Variants in PSMD9 observed in about 807,000 individuals in gnomAD.
PSMD9 encodes proteasome 26S subunit, non-ATPase 9.
PSMD9 carries 26 observed loss-of-function variants against 25.9 expected under a neutral mutation model. The observed-to-expected ratio is 1.00, with a 90% CI of 0.73 to 1.39. PSMD9 has a LOEUF of 1.39. Among genes scored for constraint, PSMD9 ranks in the 40% most tolerant of loss-of-function variants. The pLI, the probability that PSMD9 is intolerant of heterozygous loss-of-function variation, is 0.00. For synonymous variants in PSMD9, 110 were observed against 114.5 expected, an observed-to-expected ratio of 0.96 and a Z score of 0.25; for missense variants, 303 against 299.3, an observed-to-expected ratio of 1.01 and a Z score of -0.09.
chr12:121,916,435 C>T lies in PSMD9; in HGVS notation c.*124C>T. ...TGGAAGAGGCTTGTAACCTGAACTT[C>T]TGTGTGGTGGCAGTACTGTGGCCCA... On this transcript the variant is annotated 3_prime_UTR_variant, in exon 6 of 6. Coordinates refer to ENST00000541212, the MANE Select transcript of PSMD9 (RefSeq NM_002813.7). 1.6e-6 allele frequency: 2 copies of T among 1,236,956 alleles called. No individual in the cohort carries two copies. The highest frequency in any genetic ancestry group is 2.4e-5 in the South Asian group (2 of 82,766). The allele number at this position is 1,236,956 out of a possible 1,614,324, so 76.6% of individuals were successfully genotyped here.
intron 1 of PSMD9, among the ~76,000 whole-genome samples, chr12:121,892,920 G>C (rs1879129140): frequency 6.6e-6 from 1 of 152,132 alleles, no homozygotes. Flanking sequence ...ACATGGGTCA[G>C]TTATATGGTA....
chr12:121,900,588 CAA>C (rs36069883), intron 3 of PSMD9, among the ~76,000 whole-genome samples: 43 of 123,970 alleles, frequency 3.5e-4, no homozygotes, highest in Admixed American at 3.2e-4. Flanking sequence ...GACTCCGTCT[CAA>C]AAAAAAAAAA....
intron 2 of PSMD9, 96 bp from the exon 3 acceptor site, chr12:121,899,538 T>G: frequency 8.6e-7 from 1 of 1,159,328 alleles, no homozygotes; most frequent in Non-Finnish European, 1.2e-6. Flanking sequence ...ACATCTGGCA[T>G]GTAATAAGCA....
intron 4 of PSMD9, among the ~76,000 whole-genome samples, chr12:121,903,632 C>T (rs1879463896): frequency 6.6e-6 from 1 of 152,132 alleles, no homozygotes; most frequent in South Asian, 2.1e-4. Flanking sequence ...TCTTCATCCT[C>T]CTTCTGTTTT....
intron 4 of PSMD9, among the ~76,000 whole-genome samples, chr12:121,912,965 C>T (rs1328327846): frequency 2.9e-5 from 4 of 138,244 alleles, no homozygotes; most frequent in African/African-American, 1.1e-4. Context: ...GAGACGGAGT[C>T]TCGCTCTGTC....
At chr12:121,894,871 A>G (rs1160961732) in intron 2 of PSMD9, 30 bp downstream of exon 2, 2 of 1,581,504 alleles carry the variant, frequency 1.3e-6, no homozygotes, top group African/African-American at 2.7e-5. Flanking sequence ...GACTTTCCCC[A>G]CCTTGTGGTG....
At chr12:121,889,764 T>G (rs1222215318) in intron 1 of PSMD9, among the ~76,000 whole-genome samples, 3 of 152,118 alleles carry the variant, frequency 2.0e-5, no homozygotes, top group Non-Finnish European at 2.9e-5. Flanking sequence ...GTCATGTAGT[T>G]CGGAAGTGGC....
At chr12:121,912,384 G>A (rs144209267) in intron 4 of PSMD9, among the ~76,000 whole-genome samples, 16 of 152,150 alleles carry the variant, frequency 1.1e-4, no homozygotes, top group South Asian at 8.3e-4. Context: ...GCCGTGCACC[G>A]TTTCACATTC....
intron 3 of PSMD9, chr12:121,902,122 A>G (rs1361109895): frequency 1.3e-5 from 2 of 152,230 alleles, no homozygotes; most frequent in African/African-American, 4.8e-5. Flanking sequence ...ATTCTTGTAC[A>G]GTTTTTTTGT....
intron 4 of PSMD9, among the ~76,000 whole-genome samples, chr12:121,913,897 T>C (rs1396992456): frequency 6.6e-6 from 1 of 151,776 alleles, no homozygotes; most frequent in East Asian, 1.9e-4. Flanking sequence ...TCTTGTTTTA[T>C]TTATTTATTT....
At chr12:121,892,682 C>G (rs758080363) in intron 1 of PSMD9, among the ~76,000 whole-genome samples, 1 of 151,654 alleles carries the variant, frequency 6.6e-6, no homozygotes, top group Non-Finnish European at 1.5e-5. Flanking sequence ...GCCTGGGCAA[C>G]AGAGCGAGAC....
intron 3 of PSMD9, 72 bp from the exon 4 acceptor site, chr12:121,902,934 A>G (rs1046924020): frequency 2.2e-5 from 27 of 1,233,486 alleles, no homozygotes; most frequent in Non-Finnish European, 3.1e-5. Context: ...TAAATTGGGT[A>G]TTGAAGGTTA....
chr12:121,908,183 T>A (rs934576104), intron 4 of PSMD9: 10 of 152,170 alleles, frequency 6.6e-5, no homozygotes, highest in Admixed American at 4.6e-4. Context: ...AAATAAATTT[T>A]TTTTTTTTTT....
At chr12:121,913,835 C>T (rs1879812534) in intron 4 of PSMD9, among the ~76,000 whole-genome samples, 1 of 152,054 alleles carries the variant, frequency 6.6e-6, no homozygotes, top group Non-Finnish European at 1.5e-5. Context: ...GTTGCCTTTT[C>T]ACTCTGTTAA....
Position 121,888,828 on chromosome 12 carries a change from G to A in PSMD9, c.-29G>A, listed in dbSNP as rs1298309902. On this transcript the variant is annotated 5_prime_UTR_variant, in exon 1 of 6. Transcript: ENST00000541212. Reference sequence around the variant, plus strand: ...GCGTCGTCCCTAGCCCGGGAGCCGGGTCTCTGGAGTCGCGGCCCGGGGTTC... The same window carrying A: ...GCGTCGTCCCTAGCCCGGGAGCCGGATCTCTGGAGTCGCGGCCCGGGGTTC... 5.7e-6 allele frequency: 9 copies of A among 1,592,378 alleles called. No homozygotes were observed. Among genetic ancestry groups the A allele is most frequent in the Non-Finnish European group, 7.7e-6 (9 of 1,170,726 alleles).
rs1180341339 is a variant in PSMD9, at chr12:121,899,854, G to A, written c.453+9G>A. 1 of 1,613,854 alleles carries A rather than the reference G, an allele frequency of 6.2e-7. No individual in the cohort carries two copies. Among genetic ancestry groups the A allele is most frequent in the East Asian group, 2.2e-5 (1 of 44,884 alleles). On this transcript the variant is annotated intron_variant, in intron 3 of 5. Transcript: ENST00000541212. ...CCCCAGCCAGCATCGCGGTAATCCA[G>A]GGGTTGGCCACTCAAGTCCATGCCC...
intron 1 of PSMD9, chr12:121,893,670 T>G (rs1049166010): frequency 1.3e-5 from 2 of 152,298 alleles, no homozygotes; most frequent in Non-Finnish European, 2.9e-5. Context: ...TCTGCCTGCA[T>G]CTTCATGTGG....
At chr12:121,898,927 A>T (rs1042434063) in intron 2 of PSMD9, 1 of 152,132 alleles carries the variant, frequency 6.6e-6, no homozygotes. Flanking sequence ...TCACCGTGTT[A>T]GCCAGGATGG....
chr12:121,894,452 G>A (rs1412945434), intron 1 of PSMD9: 1 of 321,638 alleles, frequency 3.1e-6, no homozygotes, highest in Admixed American at 4.3e-5. Flanking sequence ...GGCTGGCCTT[G>A]GGGATGATGC....
Sources: allele counts gnomAD v4.1 joint callset (sites outside exome capture counted in the v4.1 genomes callset), GRCh38; gene constraint gnomAD v4.1.1; transcripts MANE v1.5; gene names NCBI Gene and HGNC (gene_info 2026-07-23, HGNC 2026-07-21).